MGST3: variants seen among roughly 807,000 people sequenced by gnomAD.
MGST3 encodes the protein glutathione S-transferase 3, mitochondrial.
Under a neutral mutation model 15.8 loss-of-function variants are expected in MGST3, and 13 were observed. That is an observed-to-expected ratio of 0.82 (90% CI 0.54 to 1.31). The LOEUF (loss-of-function observed/expected upper bound fraction) is 1.31, where lower values mean the gene tolerates loss of function less well. MGST3 is among the 50% of genes most tolerant of loss of function. The probability of loss-of-function intolerance (pLI) is 0.00; values close to 1 mark genes in which losing one functional copy is unlikely to be tolerated. For synonymous variants in MGST3, 49 were observed against 68.1 expected, an observed-to-expected ratio of 0.72 and a Z score of 1.38; for missense variants, 155 against 192.4, an observed-to-expected ratio of 0.81 and a Z score of 1.15.
At chr1:165,644,053 TAA>T (rs61624530) in intron 1 of MGST3, among the ~76,000 whole-genome samples, 67 of 136,474 alleles carry the variant, frequency 4.9e-4, no homozygotes, top group Admixed American at 7.3e-4. Context: ...GACCCTGTGT[TAA>T]AAAAAAAAAA....
chr1:165,646,228 G>A (rs1429464649), intron 1 of MGST3: 1 of 152,194 alleles, frequency 6.6e-6, no homozygotes, highest in East Asian at 1.9e-4. Flanking sequence ...CCTAGGGTGT[G>A]GCCACTGTGA....
chr1:165,655,272 A>G (rs913960229), intron 5 of MGST3, 96 bp from the exon 6 acceptor site: 3 of 1,509,650 alleles, frequency 2.0e-6, no homozygotes, highest in African/African-American at 2.7e-5. Context: ...TGTCTAATGT[A>G]CAACCTCAGA....
Position 165,655,705 on chromosome 1 carries a change from G to C in MGST3, c.*201G>C. ...CTACTAGATGAGAAAGGAGCCACAAGTATTGTGCCCTCTCCTCACCCTTCC... is the reference window on the plus strand; with the variant it reads ...CTACTAGATGAGAAAGGAGCCACAACTATTGTGCCCTCTCCTCACCCTTCC... On this transcript the variant is annotated 3_prime_UTR_variant, in exon 6 of 6. Transcript: ENST00000367889. 1.6e-6 allele frequency: 1 copy of C among 631,608 alleles called. No homozygotes were observed. Among genetic ancestry groups the C allele is most frequent in the Non-Finnish European group, 2.7e-6 (1 of 371,114 alleles). The allele number at this position is 631,608 out of a possible 1,614,324, so 39.1% of individuals were successfully genotyped here.
At chr1:165,650,408 C>A in intron 2 of MGST3, 1 of 235,290 alleles carries the variant, frequency 4.3e-6, no homozygotes, top group South Asian at 6.0e-5. Context: ...GGAAGGTGGT[C>A]TATTAAACAC....
At position 165,655,740 on chromosome 1, in the gene MGST3, T is replaced by C. The variant is rs1648691887; in HGVS notation, c.*236T>C. ...CTCTCCTCACCCTTCCAGCAGATGCTTCTGTAGTATGTGAGGTTGAGAAAA... is the reference window on the plus strand; with the variant it reads ...CTCTCCTCACCCTTCCAGCAGATGCCTCTGTAGTATGTGAGGTTGAGAAAA... On this transcript the variant is annotated 3_prime_UTR_variant, in exon 6 of 6. Coordinates refer to ENST00000367889, the MANE Select transcript of MGST3 (RefSeq NM_004528.4). 5.5e-6 allele frequency: 3 copies of C among 541,188 alleles called. No homozygotes were observed. Among genetic ancestry groups the C allele is most frequent in the Non-Finnish European group, 9.9e-6 (3 of 304,270 alleles). The allele number at this position is 541,188 out of a possible 1,614,324, so 33.5% of individuals were successfully genotyped here. A position where few individuals can be genotyped will look rare whatever the true frequency, so the allele number is the denominator to read the frequency against.
chr1:165,637,604 C>T (rs1204596409), intron 1 of MGST3, among the ~76,000 whole-genome samples: 1 of 152,164 alleles, frequency 6.6e-6, no homozygotes, highest in Non-Finnish European at 1.5e-5. Flanking sequence ...CAAAGGAACC[C>T]TGCCCCAGTA....
Position 165,655,545 on chromosome 1 carries a change from A to T in MGST3, c.*41A>T. The T allele has an allele frequency of 6.2e-7, 1 of 1,611,820 alleles. No homozygotes were observed. Among genetic ancestry groups the T allele is most frequent in the Non-Finnish European group, 8.5e-7 (1 of 1,178,414 alleles). On this transcript the variant is annotated 3_prime_UTR_variant, in exon 6 of 6. Coordinates refer to ENST00000367889, the MANE Select transcript of MGST3 (RefSeq NM_004528.4). ...TAAAAACTCTCATTCATTTTAAATG[A>T]CTTACCTTTATTTCCAGTTACATTT...
intron 4 of MGST3, 121 bp from the exon 5 acceptor site, chr1:165,654,158 T>C: frequency 3.5e-6 from 3 of 868,660 alleles, no homozygotes; most frequent in Non-Finnish European, 5.9e-6. Context: ...GCGTGGGGAG[T>C]AGTTGGCCAA....
intron 1 of MGST3, chr1:165,646,111 C>G (rs976954388): frequency 3.9e-5 from 6 of 152,202 alleles, no homozygotes; most frequent in Admixed American, 1.3e-4. Flanking sequence ...CAAATGAGTG[C>G]TCATGCCAGA....
rs751324490 is a variant in MGST3 at position 165,649,888 on chromosome 1, C to G, written c.41C>G (p.Thr14Ser). ...AAGGAATATGGTTTTGTGCTTCTAA[C>G]TGGTGCTGCCAGCTTTATAATGGTG... Reference protein sequence around the residue: ...LSKEYGFVLLTGAASFIMVAH... With the variant: ...LSKEYGFVLLSGAASFIMVAH... The change falls in exon 2 of 6, where the codon ACT (threonine) becomes AGT (serine). Residue 14 changes from threonine (T) to serine (S), a missense_variant. Coordinates refer to ENST00000367889, the MANE Select transcript of MGST3 (RefSeq NM_004528.4). 6.2e-7 allele frequency: 1 copy of G among 1,614,094 alleles called. No homozygotes were observed. The highest frequency in any genetic ancestry group is 8.5e-7 in the Non-Finnish European group (1 of 1,180,042).
At chr1:165,650,548 ATATT>A (rs925669108) in intron 2 of MGST3, 6 of 184,796 alleles carry the variant, frequency 3.2e-5, no homozygotes, top group African/African-American at 1.4e-4. Context: ...TTAAGTTTTT[ATATT>A]TAGTTTCTTC....
At chr1:165,648,945 A>C (rs945454421) in intron 1 of MGST3, 1 of 152,272 alleles carries the variant, frequency 6.6e-6, no homozygotes, top group Non-Finnish European at 1.5e-5. Context: ...TAGGATGATT[A>C]GATACATTCC....
At chr1:165,653,896 A>G in intron 4 of MGST3, 1 of 305,090 alleles carries the variant, frequency 3.3e-6, no homozygotes, top group Non-Finnish European at 6.3e-6. Flanking sequence ...AGAAAACGGC[A>G]TTTCCCCTAG....
intron 1 of MGST3, chr1:165,649,544 A>C: frequency 5.9e-6 from 2 of 341,454 alleles, no homozygotes; most frequent in Non-Finnish European, 5.5e-6. Context: ...AGCAACGACT[A>C]CTGCAGTGGT....
At chr1:165,641,616 C>T (rs1467793167) in intron 1 of MGST3, among the ~76,000 whole-genome samples, 1 of 152,170 alleles carries the variant, frequency 6.6e-6, no homozygotes, top group Non-Finnish European at 1.5e-5. Context: ...ATTGTTTATA[C>T]CAGGTACATA....
At chr1:165,641,995 C>T (rs1648276110) in intron 1 of MGST3, among the ~76,000 whole-genome samples, 1 of 152,216 alleles carries the variant, frequency 6.6e-6, no homozygotes, top group African/African-American at 2.4e-5. Flanking sequence ...GAGCAGCTAC[C>T]TCTGCAATTG....
rs1648697622 is a variant in MGST3, at chr1:165,656,016, G to A, written c.*512G>A. The A allele has an allele frequency of 5.6e-6, 1 of 179,312 alleles. No individual in the cohort carries two copies. The highest frequency in any genetic ancestry group is 1.2e-4 in the South Asian group (1 of 8,304). The allele number at this position is 179,312 out of a possible 1,614,324, so 11.1% of individuals were successfully genotyped here. On this transcript the variant is annotated 3_prime_UTR_variant, in exon 6 of 6. Transcript: ENST00000367889. ...CCAGCTACTTGGGAGGCTAAGGTGG[G>A]AGGATCACTTGAGCCCAGGGTGTCA...
At chr1:165,653,286 T>G (rs536253583) in intron 4 of MGST3, among the ~76,000 whole-genome samples, 15 of 152,306 alleles carry the variant, frequency 9.8e-5, no homozygotes, top group East Asian at 1.9e-4. Flanking sequence ...CACACATCCC[T>G]GGATCCCATT....
At chr1:165,643,855 G>A (rs1244821210) in intron 1 of MGST3, among the ~76,000 whole-genome samples, 1 of 152,052 alleles carries the variant, frequency 6.6e-6, no homozygotes, top group Admixed American at 6.6e-5. Context: ...GCGACAGAGC[G>A]AGACTGTCTC....
Sources: gnomAD v4.1 joint callset for allele counts (sites outside exome capture counted in the v4.1 genomes callset) on GRCh38, gnomAD v4.1.1 for gene constraint, MANE v1.5 for transcripts, NCBI Gene and HGNC (gene_info 2026-07-23, HGNC 2026-07-21) for gene names.